The following MTDH variants were observed in gnomAD, a reference collection of about 807,000 sequenced individuals.
MTDH encodes the protein protein LYRIC.
MTDH carries 34 observed loss-of-function variants against 72.7 expected under a neutral mutation model. The observed-to-expected ratio is 0.47, with a 90% confidence interval of 0.36 to 0.62. The LOEUF (loss-of-function observed/expected upper bound fraction) is 0.62, where lower values mean the gene tolerates loss of function less well. Ranked by LOEUF, MTDH falls within the 20% of genes least tolerant of loss-of-function variation. The pLI, the probability that MTDH is intolerant of heterozygous loss-of-function variation, is 0.00. For missense variants in MTDH, 677 were observed against 699.4 expected (o/e 0.97, Z 0.36); for synonymous variants, 266 against 268.9 (o/e 0.99, Z 0.10).
intron 1 of MTDH, among the ~76,000 whole-genome samples, chr8:97,650,385 C>T (rs1811723076): frequency 6.6e-6 from 1 of 151,888 alleles, no homozygotes; most frequent in Non-Finnish European, 1.5e-5. Context: ...AGCGACTCTC[C>T]CACCTCAGCC....
intron 9 of MTDH, among the ~76,000 whole-genome samples, chr8:97,717,367 A>G (rs150764487): frequency 6.6e-6 from 1 of 152,350 alleles, no homozygotes; most frequent in Non-Finnish European, 1.5e-5. Flanking sequence ...TACTAAGCAT[A>G]TAATGTGCTC....
chr8:97,699,804 G>A lies in MTDH; in HGVS notation c.1099G>A (p.Asp367Asn), dbSNP rs753543132. The stretch of plus-strand genomic sequence containing the variant: ...GTCTACCACTTCTGATTATCAGTGG[G>A]ATGTTAGCCGTAATCAACCCTATAT... The part of the protein sequence containing the change: ...SQSTTSDYQW[D>N]VSRNQPYIDD... Residue 367 changes from aspartate to asparagine, a missense_variant, in exon 7 of 12, where the codon GAT becomes AAT. Physicochemically the swap from Asp to Asn is conservative, Grantham distance 23 (BLOSUM62 1). Around this residue, in one of 3 missense-constraint regions of MTDH, gnomAD observed 467 missense variants for 469.1 expected, o/e 1.00. Transcript: ENST00000336273. The A allele has an allele frequency of 3.8e-5, 61 of 1,613,294 alleles. No homozygotes were observed. Among genetic ancestry groups the A allele is most frequent in the Non-Finnish European group, 4.9e-5 (58 of 1,179,562 alleles).
At chr8:97,699,520 G>A (rs1320971700) in intron 6 of MTDH, among the ~76,000 whole-genome samples, 2 of 151,984 alleles carry the variant, frequency 1.3e-5, no homozygotes, top group Non-Finnish European at 2.9e-5. Context: ...ATTGGTGCTA[G>A]GGAAAACATA....
At chr8:97,655,679 C>T (rs1811944744) in intron 1 of MTDH, among the ~76,000 whole-genome samples, 1 of 152,264 alleles carries the variant, frequency 6.6e-6, no homozygotes, top group African/African-American at 2.4e-5. Flanking sequence ...GGGCCAGGTG[C>T]AGTGGCTTAT....
intron 1 of MTDH, among the ~76,000 whole-genome samples, chr8:97,652,862 G>A (rs1189310645): frequency 6.6e-6 from 1 of 151,946 alleles, no homozygotes; most frequent in Non-Finnish European, 1.5e-5. Context: ...AGCCAGGTGC[G>A]GTGGTTCACA....
chr8:97,706,231 T>G (rs1032869967), intron 7 of MTDH, among the ~76,000 whole-genome samples: 35 of 152,180 alleles, frequency 2.3e-4, no homozygotes, highest in African/African-American at 7.5e-4. Context: ...GTACTACTGT[T>G]AAGAATTAAT....
chr8:97,714,243 C>T lies in MTDH; in HGVS notation c.1380+474C>T, dbSNP rs147976709. 9.2e-5 allele frequency among the ~76,000 whole-genome samples: 14 copies of T among 152,256 alleles called. No individual in the cohort carries two copies. In the East Asian group the frequency reaches 2.5e-3, roughly 27 times the overall value. The stretch of plus-strand genomic sequence containing the variant: ...ACATTTTCTCTTTCCATCACTCATA[C>T]ATTTCCTTTTCTTTCTTTTTCTTTG... On this transcript the variant is annotated intron_variant, in intron 9 of 11. Transcript: ENST00000336273.
intron 2 of MTDH, among the ~76,000 whole-genome samples, chr8:97,674,864 G>A (rs1162526072): frequency 6.6e-6 from 1 of 151,478 alleles, no homozygotes; most frequent in Admixed American, 6.6e-5. Context: ...AGGCTGAACT[G>A]CAGTGGCATG....
rs534663823 is a variant in MTDH, at chr8:97,717,370, A to G, written c.1381-1679A>G. Among the ~76,000 whole-genome samples the G allele has an allele frequency of 1.2e-3, 187 of 152,322 alleles. 1 individual carries two copies. The highest frequency in any genetic ancestry group is 6.8e-3 in the Middle Eastern group (2 of 294). ...TTACATATAATTTACTAAGCATATAATGTGCTCTAGAATTATTTTGCTGAA... is the reference window on the plus strand; with the variant it reads ...TTACATATAATTTACTAAGCATATAGTGTGCTCTAGAATTATTTTGCTGAA... On this transcript the variant is annotated intron_variant, in intron 9 of 11. Transcript: ENST00000336273.
chr8:97,674,044 T>C (rs918096821), intron 2 of MTDH, among the ~76,000 whole-genome samples: 2 of 152,238 alleles, frequency 1.3e-5, no homozygotes, highest in South Asian at 4.1e-4. Flanking sequence ...TAGTCCCAGC[T>C]ACTCAGGAGG....
chr8:97,708,175 G>A (rs1164252297), intron 8 of MTDH, among the ~76,000 whole-genome samples: 1 of 150,356 alleles, frequency 6.7e-6, no homozygotes, highest in Admixed American at 6.6e-5. Flanking sequence ...ATGTTGGTCA[G>A]GCTGGTTTCG....
At chr8:97,721,541 AT>A (rs140563563) in intron 10 of MTDH, among the ~76,000 whole-genome samples, 3,812 of 152,154 alleles carry the variant, frequency 0.025, 103 homozygotes, top group African/African-American at 0.06. Flanking sequence ...TCCTTATCCC[AT>A]TTTGCTTTCT....
intron 2 of MTDH, among the ~76,000 whole-genome samples, chr8:97,674,296 G>A (rs1331647590): frequency 6.6e-6 from 1 of 152,212 alleles, no homozygotes; most frequent in Non-Finnish European, 1.5e-5. Flanking sequence ...GAATAACCTT[G>A]AATCTCCTTT....
At chr8:97,724,541 G>A (rs962979501) in intron 11 of MTDH, 59 bp from the exon 12 acceptor site, 117 of 1,130,188 alleles carry the variant, frequency 1.0e-4, no homozygotes, top group Non-Finnish European at 1.4e-4. Context: ...TTATTGAGAC[G>A]TAACAGTATT....
At chr8:97,684,061 C>T (rs1015691497) in intron 2 of MTDH, among the ~76,000 whole-genome samples, 8 of 151,054 alleles carry the variant, frequency 5.3e-5, no homozygotes, top group African/African-American at 1.5e-4. Flanking sequence ...CGCTTGAACC[C>T]AGGCGGCAGA....
intron 1 of MTDH, among the ~76,000 whole-genome samples, chr8:97,659,652 A>G (rs999719340): frequency 6.6e-6 from 1 of 152,238 alleles, no homozygotes; most frequent in African/African-American, 2.4e-5. Context: ...GCTCTGCTGT[A>G]ATGACTAGGT....
intron 6 of MTDH, among the ~76,000 whole-genome samples, chr8:97,693,445 TGCCTCA>T (rs1174092899): frequency 1.3e-5 from 2 of 152,184 alleles, no homozygotes; most frequent in African/African-American, 4.8e-5. Context: ...GTGATTCTCC[TGCCTCA>T]GCCTCCTAAG....
chr8:97,710,176 T>C (rs1205807812), intron 8 of MTDH, among the ~76,000 whole-genome samples: 1 of 152,212 alleles, frequency 6.6e-6, no homozygotes, highest in Non-Finnish European at 1.5e-5. Flanking sequence ...GATTTTGTTT[T>C]GTTTTTCCAT....
chr8:97,669,776 C>CATG (rs1812537508), intron 2 of MTDH, among the ~76,000 whole-genome samples: 1 of 152,028 alleles, frequency 6.6e-6, no homozygotes, highest in Non-Finnish European at 1.5e-5. Context: ...ATTAGCTGGG[C>CATG]ATGATGGCAC....
Sources: allele counts gnomAD v4.1 joint callset (sites outside exome capture counted in the v4.1 genomes callset), GRCh38; gene constraint gnomAD v4.1.1; regional missense constraint gnomAD v4.1.1; transcripts MANE v1.5; gene names NCBI Gene and HGNC (gene_info 2026-07-23, HGNC 2026-07-21).